Variants in POU2F1 observed in about 807,000 individuals in gnomAD.
The protein encoded by POU2F1 is POU domain, class 2, transcription factor 1.
Under a neutral mutation model 84.9 loss-of-function variants are expected in POU2F1, and 16 were observed. That is an observed-to-expected ratio of 0.19 (90% CI 0.13 to 0.29). The LOEUF is 0.29. Ranked by LOEUF, POU2F1 falls within the 10% of genes least tolerant of loss-of-function variation. POU2F1 has a pLI of 1.00. For synonymous variants in POU2F1, 368 were observed against 368.3 expected (o/e 1.00, Z 0.01); for missense variants, 738 against 942.6 (o/e 0.78, Z 2.84).
chr1:167,302,219 G>C (rs1325623475), intron 1 of POU2F1, among the ~76,000 whole-genome samples: 1 of 151,574 alleles, frequency 6.6e-6, no homozygotes, highest in South Asian at 2.1e-4. Flanking sequence ...GAGTAGGTGG[G>C]ATTACAGGCA....
At chr1:167,272,333 T>C (rs1451235154) in intron 1 of POU2F1, among the ~76,000 whole-genome samples, 1 of 151,430 alleles carries the variant, frequency 6.6e-6, no homozygotes, top group Non-Finnish European at 1.5e-5. Flanking sequence ...GCCCCCTTTT[T>C]TGGCTGGGAA....
intron 2 of POU2F1, among the ~76,000 whole-genome samples, chr1:167,344,204 A>G (rs1323491544): frequency 1.3e-5 from 2 of 152,210 alleles, no homozygotes; most frequent in Non-Finnish European, 2.9e-5. Flanking sequence ...CATTTCCATT[A>G]TCACAGAAAG....
intron 1 of POU2F1, among the ~76,000 whole-genome samples, chr1:167,287,145 C>T (rs1653586843): frequency 6.6e-6 from 1 of 152,176 alleles, no homozygotes; most frequent in Admixed American, 6.5e-5. Flanking sequence ...CGAACAACCA[C>T]CCACCAGCAA....
At chr1:167,333,458 T>C (rs547528534) in intron 2 of POU2F1, among the ~76,000 whole-genome samples, 2 of 152,242 alleles carry the variant, frequency 1.3e-5, no homozygotes, top group Admixed American at 6.5e-5. Context: ...TTTTGACTTA[T>C]CATTTTAAAA....
intron 1 of POU2F1, among the ~76,000 whole-genome samples, chr1:167,290,279 C>T (rs1653830568): frequency 6.6e-6 from 1 of 151,982 alleles, no homozygotes; most frequent in Non-Finnish European, 1.5e-5. Flanking sequence ...CGCCTATAGT[C>T]CCATGTACTT....
intron 1 of POU2F1, among the ~76,000 whole-genome samples, chr1:167,284,479 G>A (rs1653380659): frequency 6.6e-6 from 1 of 152,082 alleles, no homozygotes; most frequent in Non-Finnish European, 1.5e-5. Flanking sequence ...ATTGCTACCT[G>A]ACAGAATAAT....
rs950033586 is a variant in POU2F1 at position 167,422,306 on chromosome 1, T to C, written c.*6496T>C. 5.3e-5 allele frequency: 8 copies of C among 150,862 alleles called. No individual in the cohort carries two copies. Among genetic ancestry groups the C allele is most frequent in the African/African-American group, 1.7e-4 (7 of 40,104 alleles). 9.3% of individuals were successfully genotyped at this position (150,862 alleles called of 1,614,324 possible). ...AATTTGGAGCCAAGAGGTGAGTGAT[T>C]GATGTATCTTAAATCTAGGAAAGTT... On this transcript the variant is annotated 3_prime_UTR_variant, in exon 16 of 16. Transcript: ENST00000367866.
At chr1:167,361,242 A>G (rs560803707) in intron 2 of POU2F1, among the ~76,000 whole-genome samples, 1 of 152,296 alleles carries the variant, frequency 6.6e-6, no homozygotes, top group East Asian at 1.9e-4. Flanking sequence ...GAGAGTGGAC[A>G]TCCTTGCCTT....
chr1:167,239,003 C>T (rs1264845501), intron 1 of POU2F1, among the ~76,000 whole-genome samples: 4 of 152,170 alleles, frequency 2.6e-5, no homozygotes, highest in African/African-American at 9.7e-5. Context: ...GGCACACACT[C>T]TAAAAATCTT....
At chr1:167,299,163 C>CAAAAAAAAA (rs71073663) in intron 1 of POU2F1, among the ~76,000 whole-genome samples, 2 of 96,852 alleles carry the variant, frequency 2.1e-5, no homozygotes, top group Non-Finnish European at 4.0e-5. Context: ...AACGCCATCT[C>CAAAAAAAAA]AAAAAAAAAA....
chr1:167,377,617 G>A (rs1190936760), intron 7 of POU2F1, among the ~76,000 whole-genome samples: 1 of 151,952 alleles, frequency 6.6e-6, no homozygotes, highest in Non-Finnish European at 1.5e-5. Context: ...ATCACTTGAG[G>A]AATTAGAAAA....
intron 1 of POU2F1, among the ~76,000 whole-genome samples, chr1:167,296,307 C>T (rs1489056725): frequency 2.0e-5 from 3 of 152,126 alleles, no homozygotes; most frequent in Non-Finnish European, 4.4e-5. Flanking sequence ...CAACTTAGAA[C>T]TTTCTCATAT....
chr1:167,347,541 G>A (rs1658280536), intron 2 of POU2F1, among the ~76,000 whole-genome samples: 1 of 152,160 alleles, frequency 6.6e-6, no homozygotes, highest in African/African-American at 2.4e-5. Context: ...GAGGTGAAAT[G>A]CGTAACATAA....
intron 1 of POU2F1, among the ~76,000 whole-genome samples, chr1:167,249,882 G>A (rs1315192871): frequency 6.6e-6 from 1 of 152,182 alleles, no homozygotes. Context: ...GCACTGTGAT[G>A]AGCAATGAAA....
At chr1:167,336,886 C>G (rs562271203) in intron 2 of POU2F1, among the ~76,000 whole-genome samples, 26 of 152,066 alleles carry the variant, frequency 1.7e-4, no homozygotes, top group Admixed American at 3.9e-4. Flanking sequence ...AAAAACTAAG[C>G]CAGGCGCCAT....
chr1:167,391,071 A>G (rs373702117), intron 9 of POU2F1, among the ~76,000 whole-genome samples: 28 of 152,176 alleles, frequency 1.8e-4, no homozygotes, highest in African/African-American at 6.0e-4. Flanking sequence ...TGTTTTAAGC[A>G]CTACCACTGA....
rs1371228416 is a variant in POU2F1, at chr1:167,416,259, AT to A, written c.*450del. The A allele has an allele frequency of 6.4e-6, 2 of 312,340 alleles. No homozygotes were observed. The highest frequency in any genetic ancestry group is 1.2e-5 in the Non-Finnish European group (2 of 164,712). The allele number at this position is 312,340 out of a possible 1,614,324, so 19.3% of individuals were successfully genotyped here. A position where few individuals can be genotyped will look rare whatever the true frequency, so the allele number is the denominator to read the frequency against. On this transcript the variant is annotated 3_prime_UTR_variant, in exon 16 of 16. Transcript: ENST00000367866. ...TTTCTTTTTTTCTTAAAAAAAAAAA[AT>A]CATTTTTATGGGTCTGTTGTACAGG...
intron 1 of POU2F1, among the ~76,000 whole-genome samples, chr1:167,285,231 G>C (rs1177797538): frequency 1.3e-5 from 2 of 152,208 alleles, no homozygotes; most frequent in African/African-American, 4.8e-5. Flanking sequence ...AGCCTACCTA[G>C]CATGGTATCT....
At chr1:167,374,605 A>G (rs1017393443) in intron 6 of POU2F1, among the ~76,000 whole-genome samples, 3 of 152,200 alleles carry the variant, frequency 2.0e-5, no homozygotes, top group African/African-American at 7.2e-5. Context: ...TTAATTAGCT[A>G]ATTACAGCAG....
Sources: allele counts gnomAD v4.1 joint callset (sites outside exome capture counted in the v4.1 genomes callset), GRCh38; gene constraint gnomAD v4.1.1; transcripts MANE v1.5; gene names NCBI Gene and HGNC (gene_info 2026-07-23, HGNC 2026-07-21).